The following ZNF233 variants were observed in gnomAD, a reference collection of about 807,000 sequenced individuals.
The protein encoded by ZNF233 is zinc finger protein 233.
In ZNF233, 7 loss-of-function variants were observed where a neutral mutation model predicts 11.6. The ratio of observed to expected loss-of-function variants is 0.60; its 90% CI spans 0.34 to 1.13. The LOEUF is 1.13. Among genes scored for constraint, ZNF233 ranks in the 50% most tolerant of loss-of-function variants. The probability of loss-of-function intolerance (pLI) is 0.03; values close to 1 mark genes in which losing one functional copy is unlikely to be tolerated. For synonymous variants in ZNF233, 226 were observed against 268.5 expected, an observed-to-expected ratio of 0.84 and a Z score of 1.55; for missense variants, 711 against 785.5, an observed-to-expected ratio of 0.91 and a Z score of 1.13.
intron 2 of ZNF233, among the ~76,000 whole-genome samples, chr19:44,265,604 TAG>T (rs1231074252): frequency 6.6e-6 from 1 of 152,136 alleles, no homozygotes; most frequent in Non-Finnish European, 1.5e-5. Flanking sequence ...GTGTTTTTAG[TAG>T]AGACGGTGTT....
At chr19:44,264,876 A>G (rs1005747640) in intron 2 of ZNF233, among the ~76,000 whole-genome samples, 8 of 152,214 alleles carry the variant, frequency 5.3e-5, no homozygotes, top group African/African-American at 1.9e-4. Context: ...CAAAACAAAC[A>G]CACAATGCTG....
Position 44,267,044 on chromosome 19 carries a change from C to G in ZNF233, c.238+83C>G, listed in dbSNP as rs1254486061. On this transcript the variant is annotated intron_variant, in intron 4 of 4. Transcript: ENST00000683810. ...CCACCTCCTCAGCCACCAGCCTGGC[C>G]CAAGACCCCAGAATTCATCGCCCTG... The G allele has an allele frequency of 5.8e-6, 6 of 1,032,608 alleles. No homozygotes were observed. The Admixed American group carries it at 9.2e-5, about 16-fold the overall frequency. The allele number at this position is 1,032,608 out of a possible 1,614,324, so 64.0% of individuals were successfully genotyped here. A position where few individuals can be genotyped will look rare whatever the true frequency, so the allele number is the denominator to read the frequency against.
rs1196915082 is a variant in ZNF233, at chr19:44,273,310, G to T, written c.650G>T (p.Arg217Ile). The change falls in exon 5 of 5, where the codon AGA becomes ATA. Residue 217 changes from arginine to isoleucine, a missense_variant. Physicochemically the swap from Arg to Ile is moderately conservative, Grantham distance 97 (BLOSUM62 -3). Coordinates refer to ENST00000683810, the MANE Select transcript of ZNF233 (RefSeq NM_001207005.2). ...LCKCDHCVRQRIAHQHDDHGV... is the reference protein window; with the variant it reads ...LCKCDHCVRQIIAHQHDDHGV... Reference sequence around the variant, plus strand: ...AAATGTGATCATTGTGTTAGGCAAAGAATTGCTCATCAACATGATGATCAT... The same window carrying T: ...AAATGTGATCATTGTGTTAGGCAAATAATTGCTCATCAACATGATGATCAT... 1.2e-6 allele frequency: 2 copies of T among 1,614,012 alleles called. No homozygotes were observed. Among genetic ancestry groups the T allele is most frequent in the Admixed American group, 3.3e-5 (2 of 60,004 alleles).
rs780814747 is a variant in ZNF233 at position 44,272,957 on chromosome 19, A to T, written c.297A>T (p.Ser99=). The part of the protein sequence containing the change: ...TLQEVRLRFL[S]YEDLICWQIW... ...AAGAAGTAAGATTAAGATTCCTTTC[A>T]TATGAAGACCTTATATGCTGGCAAA... The change falls in exon 5 of 5, where the codon TCA becomes TCT. Residue 99 remains serine (S), a synonymous_variant. Coordinates refer to ENST00000683810, the MANE Select transcript of ZNF233 (RefSeq NM_001207005.2). The T allele has an allele frequency of 3.1e-6, 5 of 1,611,020 alleles. No individual in the cohort carries two copies. The African/African-American group carries it at 6.7e-5, about 22-fold the overall frequency.
At chr19:44,262,735 CG>C (rs1974972596) in intron 1 of ZNF233, among the ~76,000 whole-genome samples, 1 of 152,084 alleles carries the variant, frequency 6.6e-6, no homozygotes, top group South Asian at 2.1e-4. Flanking sequence ...AATAACCCTA[CG>C]AGGTAGATAC....
chr19:44,266,370 G>A (rs1975085251), intron 3 of ZNF233, 46 bp downstream of exon 3: 4 of 1,460,866 alleles, frequency 2.7e-6, no homozygotes, highest in Admixed American at 2.4e-5. Context: ...CCTCTGGACT[G>A]TCCTGCTTTC....
Position 44,273,553 on chromosome 19 carries a change from G to T in ZNF233, c.893G>T (p.Ser298Ile), listed in dbSNP as rs561517269. Residue 298 changes from serine to isoleucine, a missense_variant, in exon 5 of 5, where the codon AGC becomes ATC. Coordinates refer to ENST00000683810, the MANE Select transcript of ZNF233 (RefSeq NM_001207005.2). ...NVEYGKGIGYSSGLPRHQCFH... is the reference protein window; with the variant it reads ...NVEYGKGIGYISGLPRHQCFH... Reference sequence around the variant, plus strand: ...GAGTACGGGAAGGGCATAGGTTACAGCTCAGGGCTTCCCAGGCATCAGTGT... The same window carrying T: ...GAGTACGGGAAGGGCATAGGTTACATCTCAGGGCTTCCCAGGCATCAGTGT... 7 of 1,614,220 alleles carry T rather than the reference G, an allele frequency of 4.3e-6. No individual in the cohort carries two copies. The African/African-American group carries it at 9.3e-5, about 22-fold the overall frequency.
chr19:44,270,560 C>T (rs532720443), intron 4 of ZNF233, among the ~76,000 whole-genome samples: 1 of 152,100 alleles, frequency 6.6e-6, no homozygotes, highest in South Asian at 2.1e-4. Context: ...AAACAATGAA[C>T]ATTGGTTTAT....
At chr19:44,266,036 T>C (rs1045288427) in intron 2 of ZNF233, 162 bp from the exon 3 acceptor site, 10 of 594,014 alleles carry the variant, frequency 1.7e-5, no homozygotes, top group Non-Finnish European at 1.6e-5. Context: ...GTCTATGAGA[T>C]TGGCATGTGG....
Position 44,272,922 on chromosome 19 carries a change from G to A in ZNF233, c.262G>A (p.Asp88Asn), listed in dbSNP as rs1213836489. Residue 88 changes from aspartate (D) to asparagine (N), a missense_variant, in exon 5 of 5, where the codon GAT becomes AAT. By Grantham distance (23) the Asp-to-Asn change is conservative (BLOSUM62 1). Coordinates refer to ENST00000683810, the MANE Select transcript of ZNF233 (RefSeq NM_001207005.2). ...AGGACACAAGAATCAAAATGAGATA[G>A]ATACCCTTCAAGAAGTAAGATTAAG... Reference protein sequence around the residue: ...CSGHKNQNEIDTLQEVRLRFL... With the variant: ...CSGHKNQNEINTLQEVRLRFL... 1 of 1,593,832 alleles carries A rather than the reference G, an allele frequency of 6.3e-7. No homozygotes were observed. The highest frequency in any genetic ancestry group is 1.8e-5 in the Admixed American group (1 of 57,004).
At chr19:44,263,588 T>TACATGA (rs1172757491) in intron 1 of ZNF233, among the ~76,000 whole-genome samples, 2 of 152,226 alleles carry the variant, frequency 1.3e-5, no homozygotes, top group Admixed American at 6.5e-5. Flanking sequence ...CTCTCCTGGC[T>TACATGA]ACATGAAGAA....
chr19:44,261,824 G>C (rs1331265083), intron 1 of ZNF233, among the ~76,000 whole-genome samples: 1 of 151,702 alleles, frequency 6.6e-6, no homozygotes, highest in Non-Finnish European at 1.5e-5. Flanking sequence ...GCTAATTTTT[G>C]TATTTTTAGG....
rs550459989 is a variant in ZNF233 at position 44,266,929 on chromosome 19, T to C, written c.206T>C (p.Met69Thr). 3.1e-6 allele frequency: 5 copies of C among 1,614,046 alleles called. No homozygotes were observed. The East Asian group carries it at 1.1e-4, about 36-fold the overall frequency. The change falls in exon 4 of 5, where the codon ATG (methionine) becomes ACG (threonine). Residue 69 changes from methionine to threonine, a missense_variant. Met to Thr is a moderately conservative substitution (Grantham distance 81). Transcript: ENST00000683810. ...GGAAAAGAAGACAAGCTTCGGATGA[T>C]GGAGACAGAAATCCAAGGAGATGGG... ...QLGKEDKLRM[M>T]ETEIQGDGCS... is the part of the protein sequence containing the mutation.
At chr19:44,264,400 T>C (rs1975013268) in intron 2 of ZNF233, 25 bp downstream of exon 2, 1 of 1,604,180 alleles carries the variant, frequency 6.2e-7, no homozygotes, top group South Asian at 1.1e-5. Context: ...GATTTTTATC[T>C]CTTAAAATGA....
At chr19:44,262,583 T>C (rs770386946) in intron 1 of ZNF233, among the ~76,000 whole-genome samples, 1 of 152,214 alleles carries the variant, frequency 6.6e-6, no homozygotes, top group Admixed American at 6.5e-5. Context: ...ATATTAAAAA[T>C]TGATCTCTCT....
chr19:44,261,430 A>G (rs909100642), intron 1 of ZNF233, among the ~76,000 whole-genome samples: 1 of 152,080 alleles, frequency 6.6e-6, no homozygotes, highest in African/African-American at 2.4e-5. Context: ...TCTGTCTCAA[A>G]AAAATTAAAA....
intron 4 of ZNF233, chr19:44,267,547 TG>T (rs1207043066): frequency 8.4e-6 from 3 of 355,362 alleles, no homozygotes; most frequent in Non-Finnish European, 1.5e-5. Flanking sequence ...TATATATACA[TG>T]TTTTTTTTTT....
chr19:44,260,540 C>T (rs1974910115), intron 1 of ZNF233, among the ~76,000 whole-genome samples: 1 of 152,148 alleles, frequency 6.6e-6, no homozygotes, highest in Non-Finnish European at 1.5e-5. Flanking sequence ...TTCTCTCCAT[C>T]TTTTTTATTT....
At chr19:44,269,673 A>G (rs996287859) in intron 4 of ZNF233, among the ~76,000 whole-genome samples, 2 of 152,092 alleles carry the variant, frequency 1.3e-5, no homozygotes, top group Admixed American at 1.3e-4. Flanking sequence ...TTGTAAATGT[A>G]TAGCTCCCTA....
Sources: gnomAD v4.1 joint callset for allele counts (sites outside exome capture counted in the v4.1 genomes callset) on GRCh38, gnomAD v4.1.1 for gene constraint, MANE v1.5 for transcripts, NCBI Gene and HGNC (gene_info 2026-07-23, HGNC 2026-07-21) for gene names.